The following SCLT1 variants were observed in gnomAD, a reference collection of about 807,000 sequenced individuals.
The protein encoded by SCLT1 is sodium channel-associated protein 1.
A neutral mutation model predicts 112.8 loss-of-function variants in SCLT1; 78 were observed. The observed-to-expected ratio is 0.69, with a 90% CI of 0.58 to 0.83. The LOEUF is 0.83. Ranked by LOEUF, SCLT1 falls within the 40% of genes least tolerant of loss-of-function variation. SCLT1 has a pLI of 0.00. For synonymous variants in SCLT1, 257 were observed against 254.7 expected (o/e 1.01, Z -0.09); for missense variants, 747 against 770.4 (o/e 0.97, Z 0.36).
chr4:128,900,615 G>A (rs1371709688), intron 18 of SCLT1, among the ~76,000 whole-genome samples: 1 of 152,218 alleles, frequency 6.6e-6, no homozygotes, highest in Admixed American at 6.5e-5. Flanking sequence ...ACATAGGCAT[G>A]GGCAAGGACT....
At chr4:129,034,797 C>T (rs944629884) in intron 5 of SCLT1, among the ~76,000 whole-genome samples, 61 of 151,566 alleles carry the variant, frequency 4.0e-4, no homozygotes, top group African/African-American at 1.4e-3. Flanking sequence ...ACTTCATAGT[C>T]ACATAAAACA....
In SCLT1 at chr4:129,086,319, A is replaced by G. The variant is rs1352533453; in HGVS notation, c.35-3946T>C. Among the ~76,000 whole-genome samples the G allele has an allele frequency of 4.4e-3, 76 of 17,324 alleles. 1 individual carries two copies. In the South Asian group the frequency reaches 0.05, roughly 11 times the overall value. 11.4% of individuals were successfully genotyped at this position (17,324 alleles called of 152,430 possible). ...AAGATGCTGGTGTATGTATGTATAT[A>G]TATATATATATATATATACACACAC... On this transcript the variant is annotated intron_variant, in intron 1 of 20. Transcript: ENST00000281142.
rs962994257 is a variant in SCLT1, at chr4:129,093,345, C to A, written c.-242G>T. The A allele has an allele frequency of 7.1e-6, 4 of 565,140 alleles. No homozygotes were observed. Among genetic ancestry groups the A allele is most frequent in the African/African-American group, 5.6e-5 (3 of 53,212 alleles). The allele number at this position is 565,140 out of a possible 1,614,324, so 35.0% of individuals were successfully genotyped here. ...GATTGCTGGGGACTCCACGTTCAACCGAATCCCACGCTGGTGGGAAGAGGA... is the reference window on the plus strand; with the variant it reads ...GATTGCTGGGGACTCCACGTTCAACAGAATCCCACGCTGGTGGGAAGAGGA... On this transcript the variant is annotated 5_prime_UTR_variant, in exon 1 of 21. Transcript: ENST00000281142.
intron 1 of SCLT1, among the ~76,000 whole-genome samples, chr4:129,085,497 T>C (rs1442211492): frequency 6.6e-6 from 1 of 152,138 alleles, no homozygotes; most frequent in Non-Finnish European, 1.5e-5. Flanking sequence ...ATTCGACCCT[T>C]TAATCCCATT....
chr4:129,030,792 A>C (rs1274268508), intron 5 of SCLT1, among the ~76,000 whole-genome samples: 3 of 152,128 alleles, frequency 2.0e-5, no homozygotes, highest in Non-Finnish European at 4.4e-5. Flanking sequence ...ACCAAAAACA[A>C]GTTCTAAAAT....
intron 18 of SCLT1, among the ~76,000 whole-genome samples, chr4:128,919,363 T>C (rs932408337): frequency 6.6e-6 from 1 of 152,120 alleles, no homozygotes; most frequent in African/African-American, 2.4e-5. Context: ...CAATAAATTA[T>C]TTGAAACTAA....
At chr4:128,896,047 AACTGGGTGGAGCCC>A (rs955026405) in intron 18 of SCLT1, among the ~76,000 whole-genome samples, 4 of 152,346 alleles carry the variant, frequency 2.6e-5, no homozygotes, top group Admixed American at 1.3e-4. Context: ...AGGAAGCTCA[AACTGGGTGGAGCCC>A]ACTGCAGCTC....
chr4:128,874,838 G>T (rs1031862815), intron 4 of SCLT1: 4 of 152,432 alleles, frequency 2.6e-5, no homozygotes, highest in Non-Finnish European at 2.9e-5. Context: ...TTGTAAAGTT[G>T]CCTGGAATGT....
chr4:128,985,795 T>C (rs1056190388), intron 9 of SCLT1, among the ~76,000 whole-genome samples: 1 of 152,188 alleles, frequency 6.6e-6, no homozygotes, highest in South Asian at 2.1e-4. Context: ...GCCAGGCTGG[T>C]CTCGAACTCC....
At chr4:129,049,498 A>T (rs1235704458) in intron 2 of SCLT1, among the ~76,000 whole-genome samples, 2 of 88,926 alleles carry the variant, frequency 2.2e-5, no homozygotes, top group African/African-American at 4.3e-5. Flanking sequence ...GGGAGGGGGG[A>T]GGGATAGCAT....
At chr4:128,953,109 G>T (rs1003656215) in intron 13 of SCLT1, among the ~76,000 whole-genome samples, 2 of 152,022 alleles carry the variant, frequency 1.3e-5, no homozygotes. Flanking sequence ...AAGATCTTTT[G>T]CTTATAATGG....
At chr4:128,881,134 A>C (rs1399450813), downstream of SCLT1, among the ~76,000 whole-genome samples, 1 of 152,182 alleles carries the variant, frequency 6.6e-6, no homozygotes, top group East Asian at 1.9e-4. Flanking sequence ...CTAAGGTTTA[A>C]GGGATGGTAA....
intron 5 of SCLT1, among the ~76,000 whole-genome samples, chr4:129,015,555 C>G (rs1271555877): frequency 6.6e-6 from 1 of 152,112 alleles, no homozygotes; most frequent in Admixed American, 6.5e-5. Flanking sequence ...CAAGTTGAGC[C>G]TAAGGAAATG....
intron 5 of SCLT1, among the ~76,000 whole-genome samples, chr4:129,009,522 A>G (rs1231210168): frequency 6.7e-6 from 1 of 148,918 alleles, no homozygotes; most frequent in Non-Finnish European, 1.5e-5. Flanking sequence ...TCAAAAAGAA[A>G]AAAAAAAAAA....
At chr4:128,898,902 G>A (rs1359782418) in intron 18 of SCLT1, among the ~76,000 whole-genome samples, 7 of 152,124 alleles carry the variant, frequency 4.6e-5, no homozygotes, top group African/African-American at 1.2e-4. Context: ...ACACCTCTAC[G>A]CAAATAAACT....
chr4:129,026,293 C>G (rs1479546022), intron 5 of SCLT1, among the ~76,000 whole-genome samples: 1 of 152,034 alleles, frequency 6.6e-6, no homozygotes, highest in African/African-American at 2.4e-5. Context: ...TGACCACATA[C>G]TGGGAAGTAA....
At chr4:129,092,446 C>T (rs751125941) in intron 1 of SCLT1, among the ~76,000 whole-genome samples, 1 of 152,192 alleles carries the variant, frequency 6.6e-6, no homozygotes, top group Non-Finnish European at 1.5e-5. Context: ...CTTCCTTGAA[C>T]ATATTTTAAT....
At chr4:129,091,374 C>A (rs1438123844) in intron 1 of SCLT1, among the ~76,000 whole-genome samples, 4 of 151,882 alleles carry the variant, frequency 2.6e-5, no homozygotes, top group African/African-American at 9.7e-5. Context: ...AAATACCACT[C>A]ATTTTTAAAA....
intron 5 of SCLT1, among the ~76,000 whole-genome samples, chr4:129,032,325 T>C (rs1746796779): frequency 6.6e-6 from 1 of 152,044 alleles, no homozygotes; most frequent in African/African-American, 2.4e-5. Flanking sequence ...TTACACCTTA[T>C]ACAAAAATTA....
Sources: allele counts gnomAD v4.1 joint callset (sites outside exome capture counted in the v4.1 genomes callset), GRCh38; gene constraint gnomAD v4.1.1; transcripts MANE v1.5; gene names NCBI Gene and HGNC (gene_info 2026-07-23, HGNC 2026-07-21).